Variants in AGTRAP observed in about 807,000 individuals in gnomAD.
The protein encoded by AGTRAP is angiotensin II receptor associated protein.
In AGTRAP, 7 loss-of-function variants were observed where a neutral mutation model predicts 15.2. The ratio of observed to expected loss-of-function variants is 0.46; its 90% CI spans 0.26 to 0.87. The LOEUF is 0.87. Among genes scored for constraint, AGTRAP ranks in the 40% least tolerant of loss-of-function variants. The probability of loss-of-function intolerance (pLI) is 0.15; values close to 1 mark genes in which losing one functional copy is unlikely to be tolerated. For synonymous variants in AGTRAP, 74 were observed against 89.6 expected (o/e 0.83, Z 0.98); for missense variants, 187 against 213.4 (o/e 0.88, Z 0.77).
At chr1:11,744,830 C>T (rs1342562075) in intron 1 of AGTRAP, among the ~76,000 whole-genome samples, 1 of 152,116 alleles carries the variant, frequency 6.6e-6, no homozygotes, top group Admixed American at 6.6e-5. Flanking sequence ...CTGCTGGTTG[C>T]CCTTTTTAAA....
chr1:11,739,573 G>A (rs975519566), intron 1 of AGTRAP, among the ~76,000 whole-genome samples: 1 of 152,130 alleles, frequency 6.6e-6, no homozygotes, highest in Non-Finnish European at 1.5e-5. Flanking sequence ...CAAAAACTCT[G>A]GCTGGATAGA....
chr1:11,736,978 CAGGAAGGTGTGGACCT>C (rs1641916451), intron 1 of AGTRAP, among the ~76,000 whole-genome samples: 1 of 152,130 alleles, frequency 6.6e-6, no homozygotes, highest in African/African-American at 2.4e-5. Context: ...TAGTTTTGGT[CAGGAAGGTGTGGACCT>C]TGGACCAAAC....
At chr1:11,747,623 G>GTCCCA (rs1485821216) in intron 3 of AGTRAP, 78 bp downstream of exon 3, 2 of 1,438,110 alleles carry the variant, frequency 1.4e-6, no homozygotes, top group African/African-American at 2.8e-5. Flanking sequence ...CTGCTACCCC[G>GTCCCA]TCCCATCCCA....
At chr1:11,746,947 C>A (rs1028778519) in intron 2 of AGTRAP, among the ~76,000 whole-genome samples, 2 of 152,060 alleles carry the variant, frequency 1.3e-5, no homozygotes, top group African/African-American at 4.8e-5. Flanking sequence ...GGTGAACATT[C>A]GAGTCTCAGG....
intron 4 of AGTRAP, 31 bp from the exon 5 acceptor site, chr1:11,750,046 T>C (rs1442932025): frequency 6.3e-7 from 1 of 1,577,462 alleles, no homozygotes; most frequent in Admixed American, 1.7e-5. Flanking sequence ...ACCCTTCATT[T>C]TTCTTTCCCA....
intron 1 of AGTRAP, among the ~76,000 whole-genome samples, chr1:11,743,859 C>T (rs1423692060): frequency 6.6e-6 from 1 of 152,164 alleles, no homozygotes; most frequent in Non-Finnish European, 1.5e-5. Flanking sequence ...AGCCACTGTG[C>T]CCAGCCTCCA....
In AGTRAP at chr1:11,743,505, C is replaced by T. The variant is rs567581623; in HGVS notation, c.28-2298C>T. ...AAGTGATCCACCTGCCTTGGCCTCC[C>T]ACAGTGCTGGGATTACAGGGGTGAG... On this transcript the variant is annotated intron_variant, in intron 1 of 4. Coordinates refer to ENST00000314340, the MANE Select transcript of AGTRAP (RefSeq NM_020350.5). Among the ~76,000 whole-genome samples the T allele has an allele frequency of 5.3e-5, 8 of 152,018 alleles. No individual in the cohort carries two copies. The South Asian group carries it at 1.2e-3, about 24-fold the overall frequency.
intron 1 of AGTRAP, among the ~76,000 whole-genome samples, chr1:11,740,254 C>T (rs1641996773): frequency 6.6e-6 from 1 of 152,246 alleles, no homozygotes; most frequent in Non-Finnish European, 1.5e-5. Context: ...CCCTCTTTCC[C>T]TGGGCTGCCA....
At chr1:11,746,120 T>C in intron 2 of AGTRAP, 1 of 1,612,730 alleles carries the variant, frequency 6.2e-7, no homozygotes, top group Non-Finnish European at 8.5e-7. Context: ...TCTTTTAATC[T>C]GTTGAGCTTC....
Position 11,745,144 on chromosome 1 carries a change from C to T in AGTRAP, c.28-659C>T, listed in dbSNP as rs1013508465. Among the ~76,000 whole-genome samples, 6 of 150,990 alleles carry T rather than the reference C, an allele frequency of 4.0e-5. No homozygotes were observed. Among genetic ancestry groups the T allele is most frequent in the Middle Eastern group, 3.2e-3 (1 of 310 alleles). ...TGCTGGGATTACAGGTGTGATCCAC[C>T]GCGCCCAGGCTGGTTGCCCATTTTT... On this transcript the variant is annotated intron_variant, in intron 1 of 4. Transcript: ENST00000314340. The surrounding 1 kb of genome is among the most constrained non-coding windows in gnomAD (Gnocchi z 4.2).
chr1:11,741,618 A>C (rs550731925), intron 1 of AGTRAP, among the ~76,000 whole-genome samples: 39 of 152,316 alleles, frequency 2.6e-4, no homozygotes, highest in African/African-American at 9.4e-4. Context: ...TGGACAGCAC[A>C]GCCTGGGTTT....
Position 11,744,597 on chromosome 1 carries a change from G to A in AGTRAP, c.28-1206G>A, listed in dbSNP as rs755961922. ...AGTCCCCACCGCTCCGCTTCCCATC[G>A]AGGCCTCTTCTGATTTCAGAGCAGA... On this transcript the variant is annotated intron_variant, in intron 1 of 4. Coordinates refer to ENST00000314340, the MANE Select transcript of AGTRAP (RefSeq NM_020350.5). 25 of 714,252 alleles carry A rather than the reference G, an allele frequency of 3.5e-5. No individual in the cohort carries two copies. The African/African-American group carries it at 4.0e-4, about 12-fold the overall frequency. The allele number at this position is 714,252 out of a possible 1,614,324, so 44.2% of individuals were successfully genotyped here. A position where few individuals can be genotyped will look rare whatever the true frequency, so the allele number is the denominator to read the frequency against.
intron 3 of AGTRAP, 121 bp from the exon 4 acceptor site, chr1:11,748,294 C>G (rs1333959071): frequency 8.8e-7 from 1 of 1,134,678 alleles, no homozygotes; most frequent in African/African-American, 1.5e-5. Flanking sequence ...TTGCTTGATC[C>G]ATTTTCCCGC....
intron 4 of AGTRAP, 59 bp from the exon 5 acceptor site, chr1:11,750,018 T>C: frequency 7.0e-7 from 1 of 1,422,440 alleles, no homozygotes. Flanking sequence ...TGGACTCAGC[T>C]GAACATCCCG....
At chr1:11,746,850 T>C (rs373561318) in intron 2 of AGTRAP, among the ~76,000 whole-genome samples, 29 of 152,366 alleles carry the variant, frequency 1.9e-4, no homozygotes, top group Admixed American at 5.9e-4. Flanking sequence ...TCAGTATCAG[T>C]ACCCTAAAAA....
intron 1 of AGTRAP, among the ~76,000 whole-genome samples, chr1:11,743,250 C>CTT (rs71568348): frequency 1.0e-4 from 15 of 145,992 alleles, no homozygotes; most frequent in Admixed American, 6.2e-4. Flanking sequence ...CTTTTCTTTT[C>CTT]TTTTTTTTTT....
At chr1:11,741,978 G>A (rs1319015979) in intron 1 of AGTRAP, among the ~76,000 whole-genome samples, 2 of 152,164 alleles carry the variant, frequency 1.3e-5, no homozygotes, top group African/African-American at 2.4e-5. Flanking sequence ...TTGGGCCACA[G>A]AGCCAGGCCC....
intron 1 of AGTRAP, chr1:11,744,430 G>A (rs1043212607): frequency 4.7e-6 from 3 of 644,148 alleles, no homozygotes; most frequent in Non-Finnish European, 8.7e-6. Flanking sequence ...TGAAGCCCAC[G>A]CTCCTTCCCG....
intron 4 of AGTRAP, 57 bp downstream of exon 4, chr1:11,748,667 C>T: frequency 6.4e-7 from 1 of 1,556,678 alleles, no homozygotes; most frequent in Admixed American, 1.8e-5. Flanking sequence ...CTTGCCTGGC[C>T]TCCAGCCTCT....
Sources: allele counts gnomAD v4.1 joint callset (sites outside exome capture counted in the v4.1 genomes callset), GRCh38; gene constraint gnomAD v4.1.1; non-coding constraint Gnocchi (gnomAD v3.1); transcripts MANE v1.5; gene names NCBI Gene and HGNC (gene_info 2026-07-23, HGNC 2026-07-21).